RGS7: variants seen among roughly 807,000 people sequenced by gnomAD.
RGS7 encodes the protein regulator of G-protein signaling 7.
In RGS7, 27 loss-of-function variants were observed where a neutral mutation model predicts 81.1. The ratio of observed to expected loss-of-function variants is 0.33; its 90% CI spans 0.25 to 0.46. The LOEUF (loss-of-function observed/expected upper bound fraction) is 0.46, where lower values mean the gene tolerates loss of function less well. Among genes scored for constraint, RGS7 ranks in the 20% least tolerant of loss-of-function variants. The pLI is 1.00. For missense variants in RGS7, 396 were observed against 607.4 expected, an observed-to-expected ratio of 0.65 and a Z score of 3.66; for synonymous variants, 208 against 207.7, an observed-to-expected ratio of 1.00 and a Z score of -0.01.
intron 9 of RGS7, among the ~76,000 whole-genome samples, chr1:240,849,138 TGTG>T (rs1659629929): frequency 1.3e-5 from 2 of 152,344 alleles, no homozygotes; most frequent in South Asian, 4.1e-4. Context: ...AATTCTATCA[TGTG>T]GTGTGAGATT....
chr1:241,240,829 GTAAA>G (rs773173784), intron 2 of RGS7, among the ~76,000 whole-genome samples: 42 of 152,210 alleles, frequency 2.8e-4, no homozygotes, highest in East Asian at 3.9e-4. Context: ...AAATATTAAA[GTAAA>G]TAAATCCCTG....
intron 6 of RGS7, among the ~76,000 whole-genome samples, chr1:240,927,892 T>C (rs1674722037): frequency 6.6e-6 from 1 of 152,174 alleles, no homozygotes; most frequent in Non-Finnish European, 1.5e-5. Flanking sequence ...CCCTCAGAAA[T>C]GGACACCAGT....
intron 9 of RGS7, among the ~76,000 whole-genome samples, chr1:240,837,673 A>G (rs1263622248): frequency 6.6e-6 from 1 of 152,222 alleles, no homozygotes; most frequent in Non-Finnish European, 1.5e-5. Context: ...GTCTCTGGTG[A>G]CAACATAAAT....
intron 4 of RGS7, among the ~76,000 whole-genome samples, chr1:240,937,634 T>C (rs1676868600): frequency 6.6e-6 from 1 of 152,216 alleles, no homozygotes; most frequent in Non-Finnish European, 1.5e-5. Context: ...GGCAGTTGCA[T>C]TTGGCATTTA....
intron 4 of RGS7, among the ~76,000 whole-genome samples, chr1:240,971,490 A>G (rs1383179761): frequency 1.3e-5 from 2 of 152,234 alleles, no homozygotes; most frequent in Non-Finnish European, 2.9e-5. Context: ...GTAGAACTAC[A>G]TATAAGATTC....
At position 240,868,654 on chromosome 1, in the gene RGS7, CTCT is replaced by C; in HGVS notation, c.539_541del (p.Lys180del). ...AAGGATCTTCCTTTCAATCTTGTCTCTCTTCTTGTCCACTCTGTCAACACAGTA... is the reference window on the plus strand; with the variant it reads ...AAGGATCTTCCTTTCAATCTTGTCTCTCTTGTCCACTCTGTCAACACAGTA... On this transcript the variant is annotated inframe_deletion, in exon 9 of 19. Transcript: ENST00000440928. The surrounding 1 kb of genome is among the most constrained non-coding windows in gnomAD (Gnocchi z 5.1). 3 of 1,614,122 alleles carry C rather than the reference CTCT, an allele frequency of 1.9e-6. No individual in the cohort carries two copies. The highest frequency in any genetic ancestry group is 2.5e-6 in the Non-Finnish European group (3 of 1,180,000).
At chr1:241,263,474 G>C (rs752148401) in intron 2 of RGS7, among the ~76,000 whole-genome samples, 41 of 152,072 alleles carry the variant, frequency 2.7e-4, no homozygotes, top group Admixed American at 9.8e-4. Flanking sequence ...AAACCAACAG[G>C]GCTCGTCTCT....
chr1:240,852,163 A>T (rs139123159), intron 9 of RGS7, among the ~76,000 whole-genome samples: 3 of 152,206 alleles, frequency 2.0e-5, no homozygotes, highest in Admixed American at 2.0e-4. Context: ...TTTTATTTTA[A>T]GAAGTTGCTA....
intron 3 of RGS7, among the ~76,000 whole-genome samples, chr1:241,007,004 T>C (rs1045802630): frequency 3.3e-5 from 5 of 152,054 alleles, no homozygotes; most frequent in African/African-American, 1.2e-4. Context: ...GCAACCCACG[T>C]TTCCTGGGAT....
chr1:241,072,226 T>C (rs759288007), intron 3 of RGS7, among the ~76,000 whole-genome samples: 5 of 152,196 alleles, frequency 3.3e-5, no homozygotes, highest in Non-Finnish European at 5.9e-5. Flanking sequence ...TGAGTGGTGA[T>C]AGTTGTAGGG....
chr1:240,987,628 T>C (rs181553938), intron 3 of RGS7, among the ~76,000 whole-genome samples: 51 of 151,916 alleles, frequency 3.4e-4, no homozygotes, highest in African/African-American at 1.2e-3. Context: ...GCTCAAGCAA[T>C]TCCCCCTGTC....
Position 241,259,667 on chromosome 1 carries a change from A to AAAAAAAAAAATAT in RGS7, c.78+96031_78+96032insATATTTTTTTTTT. ...CTCCGTCTCAAAAAAAAAAAAAAAA[A>AAAAAAAAAAATAT]ATATATATATATATATATAATTAAA... On this transcript the variant is annotated intron_variant, in intron 2 of 18. Transcript: ENST00000440928. Among the ~76,000 whole-genome samples, 60 of 49,118 alleles carry AAAAAAAAAAATAT rather than the reference A, an allele frequency of 1.2e-3. 2 individuals are homozygous for AAAAAAAAAAATAT. Among genetic ancestry groups the AAAAAAAAAAATAT allele is most frequent in the East Asian group, 1.8e-3 (3 of 1,644 alleles). The allele number at this position is 49,118 out of a possible 152,430, so 32.2% of individuals were successfully genotyped here. A position where few individuals can be genotyped will look rare whatever the true frequency, so the allele number is the denominator to read the frequency against.
chr1:240,857,317 C>A (rs986256024), intron 9 of RGS7, among the ~76,000 whole-genome samples: 3 of 151,994 alleles, frequency 2.0e-5, no homozygotes, highest in African/African-American at 7.2e-5. Context: ...ACCCCAAAGT[C>A]CCCTGTATTA....
intron 2 of RGS7, among the ~76,000 whole-genome samples, chr1:241,115,978 T>G (rs542997248): frequency 6.6e-6 from 1 of 152,228 alleles, no homozygotes; most frequent in South Asian, 2.1e-4. Flanking sequence ...TAAAAGTGTG[T>G]GGCACTTCCT....
At chr1:240,989,796 T>C (rs1686199500) in intron 3 of RGS7, among the ~76,000 whole-genome samples, 1 of 152,128 alleles carries the variant, frequency 6.6e-6, no homozygotes, top group Admixed American at 6.5e-5. Context: ...TAAAGAGTGA[T>C]CTTTGAGGGA....
chr1:241,277,492 G>A (rs1236599384), intron 2 of RGS7, among the ~76,000 whole-genome samples: 1 of 151,998 alleles, frequency 6.6e-6, no homozygotes, highest in Non-Finnish European at 1.5e-5. Flanking sequence ...AGTGATGGGC[G>A]CCTGTAGTCC....
At chr1:241,105,262 G>T (rs946413298) in intron 2 of RGS7, among the ~76,000 whole-genome samples, 1 of 152,160 alleles carries the variant, frequency 6.6e-6, no homozygotes, top group African/African-American at 2.4e-5. Flanking sequence ...GGCTGTTGAT[G>T]AGGCTGTCTT....
intron 2 of RGS7, among the ~76,000 whole-genome samples, chr1:241,305,362 G>A (rs1459614000): frequency 1.3e-5 from 2 of 152,242 alleles, no homozygotes; most frequent in East Asian, 1.9e-4. Context: ...GCCCTCGTGG[G>A]TTCAGGCATC....
At chr1:241,331,519 A>T (rs1445614909) in intron 2 of RGS7, among the ~76,000 whole-genome samples, 1 of 152,198 alleles carries the variant, frequency 6.6e-6, no homozygotes. Flanking sequence ...TTTCACTATT[A>T]TGTTGCTGCC....
Sources: allele counts gnomAD v4.1 joint callset (sites outside exome capture counted in the v4.1 genomes callset), GRCh38; gene constraint gnomAD v4.1.1; non-coding constraint Gnocchi (gnomAD v3.1); transcripts MANE v1.5; gene names NCBI Gene and HGNC (gene_info 2026-07-23, HGNC 2026-07-21).